The following GPC5 variants were observed in gnomAD, a reference collection of about 807,000 sequenced individuals.
GPC5 encodes the protein glypican-5.
Under a neutral mutation model 53.9 loss-of-function variants are expected in GPC5, and 47 were observed. The observed-to-expected ratio is 0.87, with a 90% CI of 0.69 to 1.11. The LOEUF is 1.11. Ranked by LOEUF, GPC5 falls within the 50% of genes most tolerant of loss-of-function variation. The probability of loss-of-function intolerance (pLI) is 0.00; values close to 1 mark genes in which losing one functional copy is unlikely to be tolerated. For synonymous variants in GPC5, 286 were observed against 263.3 expected, an observed-to-expected ratio of 1.09 and a Z score of -0.84; for missense variants, 748 against 713.1, an observed-to-expected ratio of 1.05 and a Z score of -0.56.
chr13:92,582,300 C>T (rs1278246997), intron 7 of GPC5, among the ~76,000 whole-genome samples: 1 of 152,070 alleles, frequency 6.6e-6, no homozygotes, highest in African/African-American at 2.4e-5. Context: ...ATTGAAGAGA[C>T]TGTTCATTCC....
chr13:92,080,811 G>T (rs542987788), intron 6 of GPC5, among the ~76,000 whole-genome samples: 1 of 152,136 alleles, frequency 6.6e-6, no homozygotes, highest in African/African-American at 2.4e-5. Context: ...CTAACCACTT[G>T]TCCTGGCTCA....
intron 5 of GPC5, among the ~76,000 whole-genome samples, chr13:91,774,433 A>C (rs115962051): frequency 6.6e-6 from 1 of 152,180 alleles, no homozygotes; most frequent in East Asian, 1.9e-4. Flanking sequence ...TTAAAAATAC[A>C]TAGCAGTAAT....
At chr13:91,555,614 T>C (rs2138861421) in intron 2 of GPC5, among the ~76,000 whole-genome samples, 1 of 152,156 alleles carries the variant, frequency 6.6e-6, no homozygotes, top group Non-Finnish European at 1.5e-5. Flanking sequence ...TAGGTTTGCA[T>C]AGACCAGCTG....
chr13:91,767,087 A>G (rs2037540011), intron 5 of GPC5, among the ~76,000 whole-genome samples: 1 of 152,182 alleles, frequency 6.6e-6, no homozygotes, highest in African/African-American at 2.4e-5. Context: ...TTCCATTTGT[A>G]AGACAAAGGC....
At chr13:92,787,535 A>G (rs1218834022) in intron 7 of GPC5, among the ~76,000 whole-genome samples, 1 of 151,806 alleles carries the variant, frequency 6.6e-6, no homozygotes, top group Non-Finnish European at 1.5e-5. Context: ...AGTAAAGTAG[A>G]ATACAGGTAA....
intron 7 of GPC5, among the ~76,000 whole-genome samples, chr13:92,414,885 T>C (rs1042594297): frequency 1.3e-5 from 2 of 152,162 alleles, no homozygotes; most frequent in Admixed American, 1.3e-4. Flanking sequence ...TTGACCTTGT[T>C]ACCTCCCAAG....
intron 6 of GPC5, among the ~76,000 whole-genome samples, chr13:92,080,341 C>T (rs75883589): frequency 0.038 from 5,746 of 152,252 alleles, 361 homozygotes; most frequent in African/African-American, 0.13. Context: ...CAGGTGCTCC[C>T]GCCTTTTGCT....
At chr13:92,409,071 T>C (rs1206877894) in intron 7 of GPC5, among the ~76,000 whole-genome samples, 1 of 152,026 alleles carries the variant, frequency 6.6e-6, no homozygotes, top group African/African-American at 2.4e-5. Flanking sequence ...CCTTTCCTTA[T>C]ACTACACACA....
At chr13:91,841,043 AT>A (rs33999261) in intron 5 of GPC5, among the ~76,000 whole-genome samples, 7,368 of 149,972 alleles carry the variant, frequency 0.049, 368 homozygotes, top group East Asian at 0.22. Context: ...AAAATATATG[AT>A]TTTTTTTTTA....
intron 7 of GPC5, among the ~76,000 whole-genome samples, chr13:92,274,407 C>G (rs2042860945): frequency 6.6e-6 from 1 of 152,072 alleles, no homozygotes; most frequent in African/African-American, 2.4e-5. Flanking sequence ...CATCATCTAC[C>G]CTCTCCATGA....
intron 7 of GPC5, among the ~76,000 whole-genome samples, chr13:92,525,836 A>G (rs1211792688): frequency 6.6e-6 from 1 of 152,102 alleles, no homozygotes; most frequent in Non-Finnish European, 1.5e-5. Context: ...TCACAGCTAT[A>G]TACTCCTCTG....
At chr13:92,828,305 A>C (rs1018701013) in intron 7 of GPC5, among the ~76,000 whole-genome samples, 1 of 152,134 alleles carries the variant, frequency 6.6e-6, no homozygotes, top group South Asian at 2.1e-4. Context: ...TGTTTTATGT[A>C]AATGTGAAGG....
intron 1 of GPC5, among the ~76,000 whole-genome samples, chr13:91,426,537 GA>G: frequency 6.6e-6 from 1 of 152,306 alleles, no homozygotes; most frequent in Admixed American, 6.5e-5. Flanking sequence ...TAAAAGTAGG[GA>G]AGCCAACAGT....
chr13:92,857,607 TAAAC>T (rs1310341227), intron 7 of GPC5, among the ~76,000 whole-genome samples: 1 of 151,960 alleles, frequency 6.6e-6, no homozygotes, highest in Non-Finnish European at 1.5e-5. Flanking sequence ...ATAAGGAAGT[TAAAC>T]AAATCAAAAA....
At chr13:92,155,253 A>AT (rs57340396) in intron 7 of GPC5, among the ~76,000 whole-genome samples, 6 of 151,304 alleles carry the variant, frequency 4.0e-5, no homozygotes, top group South Asian at 4.2e-4. Context: ...CTTTCCTTCC[A>AT]TTTTTTTTCA....
At chr13:91,568,693 A>G (rs543663484) in intron 2 of GPC5, among the ~76,000 whole-genome samples, 2 of 152,028 alleles carry the variant, frequency 1.3e-5, no homozygotes, top group South Asian at 2.1e-4. Context: ...GGCCACCAGT[A>G]CTTATCTTAA....
chr13:92,179,302 G>C (rs1173964051), intron 7 of GPC5, among the ~76,000 whole-genome samples: 1 of 152,154 alleles, frequency 6.6e-6, no homozygotes, highest in Non-Finnish European at 1.5e-5. Context: ...TGTCAAACTG[G>C]AACTATTTCC....
chr13:92,312,471 T>C (rs1021416733), intron 7 of GPC5, among the ~76,000 whole-genome samples: 1 of 152,218 alleles, frequency 6.6e-6, no homozygotes, highest in Non-Finnish European at 1.5e-5. Flanking sequence ...AGGTTGATTA[T>C]ATGAGAAAGG....
intron 7 of GPC5, among the ~76,000 whole-genome samples, chr13:92,574,066 T>C (rs1883117059): frequency 6.6e-6 from 1 of 152,194 alleles, no homozygotes; most frequent in South Asian, 2.1e-4. Flanking sequence ...CCCTCAGGCC[T>C]AAGGTATCTT....
Sources: gnomAD v4.1 joint callset for allele counts (sites outside exome capture counted in the v4.1 genomes callset) on GRCh38, gnomAD v4.1.1 for gene constraint, MANE v1.5 for transcripts, NCBI Gene and HGNC (gene_info 2026-07-23, HGNC 2026-07-21) for gene names.